The following KIRREL3 variants were observed in gnomAD, a reference collection of about 807,000 sequenced individuals.
KIRREL3 encodes the protein kin of IRRE-like protein 3.
In KIRREL3, 36 loss-of-function variants were observed where a neutral mutation model predicts 89.7. The observed-to-expected ratio is 0.40, with a 90% CI of 0.31 to 0.53. KIRREL3 has a LOEUF of 0.53. Among genes scored for constraint, KIRREL3 ranks in the 20% least tolerant of loss-of-function variants. KIRREL3 has a pLI of 0.49. For synonymous variants in KIRREL3, 445 were observed against 441.4 expected (o/e 1.01, Z -0.10); for missense variants, 864 against 1,056.6 (o/e 0.82, Z 2.53).
Position 126,694,210 on chromosome 11 carries a change from G to A in KIRREL3, c.56-131298C>T, listed in dbSNP as rs1403474618. Among the ~76,000 whole-genome samples, 1 of 152,230 alleles carries A rather than the reference G, an allele frequency of 6.6e-6. No homozygotes were observed. The highest frequency in any genetic ancestry group is 1.5e-5 in the Non-Finnish European group (1 of 68,044). ...GCAGGGATGGGGAAATAATGAAAAAGGCTCTTTGTTTTTCCCCCAGTCCGA... is the reference window on the plus strand; with the variant it reads ...GCAGGGATGGGGAAATAATGAAAAAAGCTCTTTGTTTTTCCCCCAGTCCGA... On this transcript the variant is annotated intron_variant, in intron 1 of 16. Transcript: ENST00000525144. The surrounding 1 kb of genome is among the most constrained non-coding windows in gnomAD (Gnocchi z 4.4).
chr11:126,437,009 C>T lies in KIRREL3; in HGVS notation c.1354G>A (p.Ala452Thr), dbSNP rs1281611219. 2.0e-6 allele frequency: 3 copies of T among 1,533,008 alleles called. No homozygotes were observed. The highest frequency in any genetic ancestry group is 2.4e-5 in the East Asian group (1 of 42,250). 95.0% of individuals were successfully genotyped at this position (1,533,008 alleles called of 1,614,324 possible). Residue 452 changes from alanine (A) to threonine (T), a missense_variant and splice_region_variant, in exon 12 of 17, where the codon GCC becomes ACC. By Grantham distance (58) the Ala-to-Thr change is moderately conservative. Coordinates refer to ENST00000525144, the MANE Select transcript of KIRREL3 (RefSeq NM_032531.4). Reference protein sequence around the residue: ...IRSTPPPDRIAWSWKENVLES... With the variant: ...IRSTPPPDRITWSWKENVLES... ...AGAACGTTCTCCTTCCAGGACCAGG[C>T]CTGCCCGGGGGCGCAGAATCAGGAG... is the stretch of plus-strand genomic sequence containing the variant.
chr11:126,956,981 T>G (rs754015103), intron 1 of KIRREL3, among the ~76,000 whole-genome samples: 1 of 152,214 alleles, frequency 6.6e-6, no homozygotes, highest in Non-Finnish European at 1.5e-5. Flanking sequence ...GTTCTTAATC[T>G]GCTTCACATG....
rs1169359577 is a variant in KIRREL3 at position 126,620,576 on chromosome 11, C to T, written c.56-57664G>A. Reference sequence around the variant, plus strand: ...TTCTAGGAGGAGAGTCCATAGCTCTCATTAAAGTCTCAAGCAGAGCCTCCT... The same window carrying T: ...TTCTAGGAGGAGAGTCCATAGCTCTTATTAAAGTCTCAAGCAGAGCCTCCT... On this transcript the variant is annotated intron_variant, in intron 1 of 16. Coordinates refer to ENST00000525144, the MANE Select transcript of KIRREL3 (RefSeq NM_032531.4). The surrounding 1 kb of genome is among the most constrained non-coding windows in gnomAD (Gnocchi z 4.8). Among the ~76,000 whole-genome samples the T allele has an allele frequency of 6.6e-6, 1 of 152,176 alleles. No individual in the cohort carries two copies. Among genetic ancestry groups the T allele is most frequent in the Non-Finnish European group, 1.5e-5 (1 of 68,012 alleles).
In KIRREL3 at chr11:127,000,730, G is replaced by A; in HGVS notation, c.-221C>T. The A allele has an allele frequency of 1.9e-6, 1 of 539,760 alleles. No homozygotes were observed. The highest frequency in any genetic ancestry group is 2.7e-5 in the South Asian group (1 of 36,776). 33.4% of individuals were successfully genotyped at this position (539,760 alleles called of 1,614,324 possible). ...GTTCTTAGCCGCCTCGGGAAGCCGG[G>A]ATTGTCAGCAATGTCCCCACTCGGA... On this transcript the variant is annotated 5_prime_UTR_variant, in exon 1 of 17. Transcript: ENST00000525144. The surrounding 1 kb of genome is among the most constrained non-coding windows in gnomAD (Gnocchi z 7.1).
intron 1 of KIRREL3, among the ~76,000 whole-genome samples, chr11:126,832,664 G>C (rs1030574592): frequency 7.2e-5 from 11 of 152,278 alleles, no homozygotes; most frequent in Admixed American, 5.9e-4. Context: ...CTTTGGAAGG[G>C]CTCTGCTCTC....
intron 1 of KIRREL3, among the ~76,000 whole-genome samples, chr11:126,786,079 G>A (rs1035673243): frequency 2.6e-5 from 4 of 151,984 alleles, no homozygotes; most frequent in Admixed American, 6.5e-5. Context: ...AGCAAAAACA[G>A]CCTAAACATT....
At position 126,550,863 on chromosome 11, in the gene KIRREL3, A is replaced by G. The variant is rs576586715; in HGVS notation, c.133+11972T>C. 1.6e-4 allele frequency among the ~76,000 whole-genome samples: 24 copies of G among 152,210 alleles called. No homozygotes were observed. The highest frequency in any genetic ancestry group is 3.3e-4 in the Admixed American group (5 of 15,298). ...CACCAGCTGGGTGTCCTCCAATTCA[A>G]TTCTGACACTGTCTACCTGGAGATA... is the stretch of plus-strand genomic sequence containing the variant. On this transcript the variant is annotated intron_variant, in intron 2 of 16. Coordinates refer to ENST00000525144, the MANE Select transcript of KIRREL3 (RefSeq NM_032531.4). This position sits in a 1 kb window ranked among gnomAD's most constrained non-coding sequence, Gnocchi z 4.9.
intron 2 of KIRREL3, among the ~76,000 whole-genome samples, chr11:126,546,475 A>G (rs147187467): frequency 3.3e-5 from 5 of 152,340 alleles, no homozygotes; most frequent in African/African-American, 4.8e-5. Context: ...GAGACCAGGC[A>G]CAGAGCCTGT....
At chr11:126,777,639 C>T (rs1401848642) in intron 1 of KIRREL3, among the ~76,000 whole-genome samples, 2 of 152,210 alleles carry the variant, frequency 1.3e-5, no homozygotes, top group African/African-American at 4.8e-5. Flanking sequence ...CAAAGCAAGT[C>T]ACTTTTTACC....
chr11:126,470,900 G>T (rs995790973), intron 5 of KIRREL3, among the ~76,000 whole-genome samples: 1 of 152,180 alleles, frequency 6.6e-6, no homozygotes, highest in African/African-American at 2.4e-5. Context: ...ATACTGTAAG[G>T]CCTCATTCAT....
At position 126,799,133 on chromosome 11, in the gene KIRREL3, T is replaced by C. The variant is rs537974746; in HGVS notation, c.55+201322A>G. Among the ~76,000 whole-genome samples, 13 of 141,034 alleles carry C rather than the reference T, an allele frequency of 9.2e-5. No individual in the cohort carries two copies. In the East Asian group the frequency reaches 1.7e-3, roughly 19 times the overall value. The allele number at this position is 141,034 out of a possible 152,430, so 92.5% of individuals were successfully genotyped here. On this transcript the variant is annotated intron_variant, in intron 1 of 16. Coordinates refer to ENST00000525144, the MANE Select transcript of KIRREL3 (RefSeq NM_032531.4). ...GTGTGTATCTGTGTGTGCGTGTGCA[T>C]GTACCTGTGTGTGCATGTGCGTATC...
rs867594856 is a variant in KIRREL3 at position 126,521,380 on chromosome 11, G to A, written c.368C>T (p.Ala123Val). The change falls in exon 4 of 17, where the codon GCG becomes GTG. Residue 123 changes from alanine to valine, a missense_variant. By Grantham distance (64) the Ala-to-Val change is moderately conservative. Coordinates refer to ENST00000525144, the MANE Select transcript of KIRREL3 (RefSeq NM_032531.4). This position sits in a 1 kb window ranked among gnomAD's most constrained non-coding sequence, Gnocchi z 4.1. The stretch of plus-strand genomic sequence containing the variant: ...CTGGATGGCCTGGCACTCGTACACC[G>A]CATCGTCTTGCAGCTCTGCCCTCAG... Reference protein sequence around the residue: ...KILRAELQDDAVYECQAIQAA... With the variant: ...KILRAELQDDVVYECQAIQAA... 6 of 1,561,582 alleles carry A rather than the reference G, an allele frequency of 3.8e-6. No homozygotes were observed. The highest frequency in any genetic ancestry group is 1.4e-5 in the African/African-American group (1 of 73,442).
intron 7 of KIRREL3, among the ~76,000 whole-genome samples, chr11:126,451,391 A>AGC (rs1956145303): frequency 2.0e-5 from 1 of 49,186 alleles, no homozygotes; most frequent in African/African-American, 1.0e-4. Flanking sequence ...TGCATGTGTG[A>AGC]ACGTGTGCAT....
rs1383443849 is a variant in KIRREL3, at chr11:126,970,108, T to G, written c.55+30347A>C. ...AGGGACGGAACAGGAAAATGCAGCC[T>G]CTCTACCACTGCCCCTGCCCCCTCA... On this transcript the variant is annotated intron_variant, in intron 1 of 16. Transcript: ENST00000525144. The surrounding 1 kb of genome is among the most constrained non-coding windows in gnomAD (Gnocchi z 4.4). Among the ~76,000 whole-genome samples, 1 of 152,190 alleles carries G rather than the reference T, an allele frequency of 6.6e-6. No homozygotes were observed. Among genetic ancestry groups the G allele is most frequent in the Non-Finnish European group, 1.5e-5 (1 of 68,036 alleles).
rs1478661893 is a variant in KIRREL3, at chr11:126,905,147, C to A, written c.55+95308G>T. ...AAGGTTCTCATACCACACAGCTCAG[C>A]TTGCAGAGGAGGAACGGGGCTTGAT... On this transcript the variant is annotated intron_variant, in intron 1 of 16. Transcript: ENST00000525144. This position sits in a 1 kb window ranked among gnomAD's most constrained non-coding sequence, Gnocchi z 5.0. Among the ~76,000 whole-genome samples, 1 of 152,180 alleles carries A rather than the reference C, an allele frequency of 6.6e-6. No individual in the cohort carries two copies. Among genetic ancestry groups the A allele is most frequent in the Non-Finnish European group, 1.5e-5 (1 of 68,026 alleles).
At chr11:126,923,219 CT>C (rs71051416) in intron 1 of KIRREL3, among the ~76,000 whole-genome samples, 1,066 of 27,144 alleles carry the variant, frequency 0.039, 213 homozygotes, top group Middle Eastern at 0.11. Flanking sequence ...TCTTCTTCTT[CT>C]TCTTCTTCTT....
chr11:126,618,714 C>G, intron 1 of KIRREL3, among the ~76,000 whole-genome samples: 1 of 152,232 alleles, frequency 6.6e-6, no homozygotes, highest in East Asian at 1.9e-4. Flanking sequence ...GGATTACAAG[C>G]ATGAGCCACC....
rs975118102 is a variant in KIRREL3, at chr11:126,535,251, C to T, written c.134-8564G>A. The stretch of plus-strand genomic sequence containing the variant: ...TTCCCTCCTGCGCTTACTCCTGCCT[C>T]CTGTCAGCCCACCCGGCTTCCAACC... On this transcript the variant is annotated intron_variant, in intron 2 of 16. Coordinates refer to ENST00000525144, the MANE Select transcript of KIRREL3 (RefSeq NM_032531.4). This position sits in a 1 kb window ranked among gnomAD's most constrained non-coding sequence, Gnocchi z 4.5. Among the ~76,000 whole-genome samples, 17 of 152,172 alleles carry T rather than the reference C, an allele frequency of 1.1e-4. No individual in the cohort carries two copies. Among genetic ancestry groups the T allele is most frequent in the African/African-American group, 4.1e-4 (17 of 41,432 alleles).
chr11:126,632,917 C>A (rs368419960), intron 1 of KIRREL3, among the ~76,000 whole-genome samples: 23 of 150,320 alleles, frequency 1.5e-4, no homozygotes, highest in Non-Finnish European at 2.7e-4. Flanking sequence ...TATGGTGAAA[C>A]CCCTTCTTTA....
Sources: allele counts gnomAD v4.1 joint callset (sites outside exome capture counted in the v4.1 genomes callset), GRCh38; gene constraint gnomAD v4.1.1; non-coding constraint Gnocchi (gnomAD v3.1); transcripts MANE v1.5; gene names NCBI Gene and HGNC (gene_info 2026-07-23, HGNC 2026-07-21).